The following SLC25A21 variants were observed in gnomAD, a reference collection of about 807,000 sequenced individuals.
The protein encoded by SLC25A21 is solute carrier family 25 member 21.
Under a neutral mutation model 43.8 loss-of-function variants are expected in SLC25A21, and 47 were observed. The ratio of observed to expected loss-of-function variants is 1.07; its 90% CI spans 0.85 to 1.37. The LOEUF (loss-of-function observed/expected upper bound fraction) is 1.37, where lower values mean the gene tolerates loss of function less well. Ranked by LOEUF, SLC25A21 falls within the 40% of genes most tolerant of loss-of-function variation. The pLI is 0.00. For synonymous variants in SLC25A21, 131 were observed against 121.3 expected, an observed-to-expected ratio of 1.08 and a Z score of -0.52; for missense variants, 352 against 350.2, an observed-to-expected ratio of 1.00 and a Z score of -0.04.
chr14:36,867,268 A>G (rs1890239135), intron 2 of SLC25A21, among the ~76,000 whole-genome samples: 1 of 152,128 alleles, frequency 6.6e-6, no homozygotes, highest in Non-Finnish European at 1.5e-5. Flanking sequence ...ATCTTAACAG[A>G]TTCTAAATTC....
intron 3 of SLC25A21, among the ~76,000 whole-genome samples, chr14:36,781,372 T>C (rs1057150201): frequency 2.0e-5 from 3 of 152,178 alleles, no homozygotes; most frequent in African/African-American, 7.2e-5. Context: ...TGCCATTTTG[T>C]TGTTTTCTGA....
At chr14:36,959,776 A>G (rs749772498) in intron 1 of SLC25A21, among the ~76,000 whole-genome samples, 1 of 152,202 alleles carries the variant, frequency 6.6e-6, no homozygotes, top group Non-Finnish European at 1.5e-5. Flanking sequence ...TTTTGTAATA[A>G]TATTATCAGC....
intron 1 of SLC25A21, among the ~76,000 whole-genome samples, chr14:36,969,548 G>A (rs1271547504): frequency 2.0e-5 from 3 of 151,964 alleles, no homozygotes; most frequent in African/African-American, 7.3e-5. Flanking sequence ...GAGTGCAGTG[G>A]TGCAATCATA....
At chr14:36,689,929 G>T (rs894930708) in intron 7 of SLC25A21, among the ~76,000 whole-genome samples, 6 of 152,200 alleles carry the variant, frequency 3.9e-5, no homozygotes, top group African/African-American at 1.4e-4. Context: ...ACCCTAAGGG[G>T]CTCTGGCTGT....
intron 1 of SLC25A21, among the ~76,000 whole-genome samples, chr14:36,911,492 T>A (rs1891685131): frequency 6.6e-6 from 1 of 152,160 alleles, no homozygotes; most frequent in Non-Finnish European, 1.5e-5. Context: ...CTTGGCCACG[T>A]GACTTGCTAT....
At chr14:37,131,721 C>T (rs1325497477) in intron 1 of SLC25A21, among the ~76,000 whole-genome samples, 1 of 152,188 alleles carries the variant, frequency 6.6e-6, no homozygotes, top group Non-Finnish European at 1.5e-5. Flanking sequence ...GTTGCCCAGG[C>T]TGGAATGCAG....
chr14:37,024,504 T>C (rs999507601), intron 1 of SLC25A21, among the ~76,000 whole-genome samples: 3 of 152,048 alleles, frequency 2.0e-5, no homozygotes, highest in Admixed American at 6.6e-5. Flanking sequence ...TTTTAGCACA[T>C]GGTTTCTCCA....
intron 1 of SLC25A21, among the ~76,000 whole-genome samples, chr14:37,086,662 C>T: frequency 6.6e-6 from 1 of 152,152 alleles, no homozygotes; most frequent in East Asian, 1.9e-4. Context: ...CTCTCGATAC[C>T]TCCATTTTAT....
At chr14:37,091,351 T>C (rs192293631) in intron 1 of SLC25A21, among the ~76,000 whole-genome samples, 1 of 151,880 alleles carries the variant, frequency 6.6e-6, no homozygotes, top group Non-Finnish European at 1.5e-5. Context: ...GGAGAATCAC[T>C]TGAACCTGAG....
intron 6 of SLC25A21, among the ~76,000 whole-genome samples, chr14:36,721,451 A>T (rs1884370934): frequency 6.6e-6 from 1 of 152,118 alleles, no homozygotes; most frequent in Admixed American, 6.5e-5. Flanking sequence ...CTGTAAGGAG[A>T]TGGACTGATC....
chr14:36,875,741 C>G (rs1227410139), intron 1 of SLC25A21, among the ~76,000 whole-genome samples: 3 of 152,158 alleles, frequency 2.0e-5, no homozygotes, highest in African/African-American at 4.8e-5. Flanking sequence ...CTGATCTTAA[C>G]CATTGCTCAG....
intron 1 of SLC25A21, among the ~76,000 whole-genome samples, chr14:37,034,932 C>T (rs1961296544): frequency 6.6e-6 from 1 of 152,176 alleles, no homozygotes; most frequent in Non-Finnish European, 1.5e-5. Flanking sequence ...AGCATTTGGG[C>T]CAGGCCCAAT....
At chr14:36,856,469 G>A (rs917997080) in intron 2 of SLC25A21, among the ~76,000 whole-genome samples, 3 of 152,118 alleles carry the variant, frequency 2.0e-5, no homozygotes, top group African/African-American at 4.8e-5. Flanking sequence ...CTCATTCTGC[G>A]AGTGGGCACT....
At chr14:36,706,965 T>C (rs2064545) in intron 7 of SLC25A21, among the ~76,000 whole-genome samples, 110,850 of 152,076 alleles carry the variant, frequency 0.73, 40,666 homozygotes, top group East Asian at 0.88. Context: ...ATAAGAATCT[T>C]AGATGAAGAT....
chr14:36,932,804 A>G (rs190953587), intron 1 of SLC25A21, among the ~76,000 whole-genome samples: 88 of 152,020 alleles, frequency 5.8e-4, no homozygotes, highest in African/African-American at 2.0e-3. Flanking sequence ...CTGAAAAATC[A>G]TCATGTGTGT....
At chr14:36,744,625 C>CTG (rs201625394) in intron 3 of SLC25A21, among the ~76,000 whole-genome samples, 85,182 of 151,458 alleles carry the variant, frequency 0.56, 25,343 homozygotes, top group African/African-American at 0.77. Flanking sequence ...TGAACATTGG[C>CTG]AGAAATGCAA....
At chr14:37,029,086 T>G (rs1195587756) in intron 1 of SLC25A21, among the ~76,000 whole-genome samples, 5 of 152,216 alleles carry the variant, frequency 3.3e-5, no homozygotes, top group Admixed American at 6.5e-5. Flanking sequence ...TTGGGGTCAA[T>G]GTTCCTTAAA....
At chr14:37,046,510 T>C (rs1961590025) in intron 1 of SLC25A21, among the ~76,000 whole-genome samples, 1 of 152,216 alleles carries the variant, frequency 6.6e-6, no homozygotes, top group African/African-American at 2.4e-5. Flanking sequence ...AAAATTGATT[T>C]GATTTGGAAA....
At chr14:37,155,676 C>G (rs1033697572) in intron 1 of SLC25A21, among the ~76,000 whole-genome samples, 2 of 152,060 alleles carry the variant, frequency 1.3e-5, no homozygotes, top group African/African-American at 4.8e-5. Flanking sequence ...ACCCAAAAAA[C>G]TTTCACCCTA....
Sources: gnomAD v4.1 joint callset for allele counts (sites outside exome capture counted in the v4.1 genomes callset) on GRCh38, gnomAD v4.1.1 for gene constraint, MANE v1.5 for transcripts, NCBI Gene and HGNC (gene_info 2026-07-23, HGNC 2026-07-21) for gene names.